KCTD9: variants seen among roughly 807,000 people sequenced by gnomAD.
The protein encoded by KCTD9 is potassium channel tetramerization domain containing 9.
A neutral mutation model predicts 53.3 loss-of-function variants in KCTD9; 17 were observed. The ratio of observed to expected loss-of-function variants is 0.32; its 90% confidence interval spans 0.22 to 0.48. The LOEUF is 0.48. KCTD9 is among the 20% of genes least tolerant of loss of function. The pLI is 0.99. For synonymous variants in KCTD9, 128 were observed against 162.7 expected (o/e 0.79, Z 1.62); for missense variants, 179 against 465.5 (o/e 0.38, Z 5.66).
chr8:25,444,219 CA>C (rs1802173420), intron 3 of KCTD9, 72 bp downstream of exon 3: 2 of 1,149,780 alleles, frequency 1.7e-6, no homozygotes. Flanking sequence ...TTAATAGCCC[CA>C]TTTAAAATAA....
chr8:25,442,651 C>G (rs1802144243), intron 3 of KCTD9, among the ~76,000 whole-genome samples: 1 of 152,088 alleles, frequency 6.6e-6, no homozygotes, highest in African/African-American at 2.4e-5. Flanking sequence ...AACAAAAGGA[C>G]TGGAGGTAAG....
intron 1 of KCTD9, among the ~76,000 whole-genome samples, chr8:25,448,991 A>G (rs1208119354): frequency 1.3e-5 from 2 of 152,210 alleles, no homozygotes; most frequent in Non-Finnish European, 2.9e-5. Context: ...CCTCTGCAAC[A>G]CAGTGAGGTA....
intron 1 of KCTD9, among the ~76,000 whole-genome samples, chr8:25,453,425 G>A (rs1326276903): frequency 6.6e-6 from 1 of 151,954 alleles, no homozygotes; most frequent in Non-Finnish European, 1.5e-5. Context: ...GGAGGCTGAG[G>A]CTGGCGGATC....
At chr8:25,449,582 C>T (rs528628336) in intron 1 of KCTD9, among the ~76,000 whole-genome samples, 2 of 152,064 alleles carry the variant, frequency 1.3e-5, no homozygotes, top group Admixed American at 6.5e-5. Context: ...TATTGTCTTC[C>T]GATGAAAATA....
chr8:25,456,212 A>G lies in KCTD9; in HGVS notation c.48+1987T>C, dbSNP rs146381698. On this transcript the variant is annotated intron_variant, in intron 1 of 11. Transcript: ENST00000221200. Reference sequence around the variant, plus strand: ...AAAAACAGAGATTATTCTTATAACCAGGAAACAAAAGCAGAAGCGAGGTAA... The same window carrying G: ...AAAAACAGAGATTATTCTTATAACCGGGAAACAAAAGCAGAAGCGAGGTAA... Among the ~76,000 whole-genome samples, 11 of 152,356 alleles carry G rather than the reference A, an allele frequency of 7.2e-5. No individual in the cohort carries two copies. The East Asian group carries it at 2.1e-3, about 29-fold the overall frequency.
intron 3 of KCTD9, among the ~76,000 whole-genome samples, chr8:25,443,649 G>A (rs1051240269): frequency 3.3e-5 from 5 of 152,136 alleles, no homozygotes; most frequent in Non-Finnish European, 7.4e-5. Context: ...GTTGACAATT[G>A]CCTGTGCAAC....
chr8:25,457,451 TC>T, intron 1 of KCTD9: 1 of 832,048 alleles, frequency 1.2e-6, no homozygotes, highest in Non-Finnish European at 1.4e-6. Flanking sequence ...TTTGGCTTGC[TC>T]CAGCGCTGGA....
rs1448627070 is a variant in KCTD9, at chr8:25,439,392, T to A, written c.386A>T (p.Lys129Met). 1 of 1,611,648 alleles carries A rather than the reference T, an allele frequency of 6.2e-7. No individual in the cohort carries two copies. Among genetic ancestry groups the A allele is most frequent in the Non-Finnish European group, 8.5e-7 (1 of 1,179,326 alleles). The change falls in exon 6 of 12, where the codon AAG (lysine) becomes ATG (methionine). Residue 129 changes from lysine to methionine, a missense_variant. By Grantham distance (95) the Lys-to-Met change is moderately conservative. Transcript: ENST00000221200. ...MFKDKGVWGN[K>M]QDHRGAFLID... ...TAAGAAAGCTCCTCTATGATCTTGCTTATTTCCCCAGACACCTGTGTCACC... is the reference window on the plus strand; with the variant it reads ...TAAGAAAGCTCCTCTATGATCTTGCATATTTCCCCAGACACCTGTGTCACC...
intron 9 of KCTD9, 27 bp from the exon 10 acceptor site, chr8:25,433,462 T>C (rs376346101): frequency 2.2e-6 from 3 of 1,376,942 alleles, no homozygotes; most frequent in African/African-American, 1.5e-5. Flanking sequence ...AAAGTCCTGG[T>C]TGTAAGGTTC....
intron 1 of KCTD9, among the ~76,000 whole-genome samples, chr8:25,448,449 TA>T (rs1253957013): frequency 2.6e-5 from 4 of 152,172 alleles, no homozygotes; most frequent in Non-Finnish European, 4.4e-5. Flanking sequence ...GTACTGGAAA[TA>T]AACCGTGGTG....
intron 10 of KCTD9, 135 bp from the exon 11 acceptor site, chr8:25,432,772 TTATATA>T (rs1003925837): frequency 4.2e-6 from 3 of 716,404 alleles, no homozygotes; most frequent in Non-Finnish European, 4.7e-6. Flanking sequence ...CTCAACGAAC[TTATATA>T]TATAAACAGT....
intron 1 of KCTD9, among the ~76,000 whole-genome samples, chr8:25,448,954 G>A (rs1802267560): frequency 6.6e-6 from 1 of 151,842 alleles, no homozygotes; most frequent in Non-Finnish European, 1.5e-5. Context: ...ACTAAAACAT[G>A]TCCCCCATAT....
intron 2 of KCTD9, among the ~76,000 whole-genome samples, chr8:25,444,594 T>C (rs1802182670): frequency 6.6e-6 from 1 of 152,166 alleles, no homozygotes; most frequent in Non-Finnish European, 1.5e-5. Context: ...ACAAACGATG[T>C]TGAGTTCAGC....
At chr8:25,436,203 A>T in intron 8 of KCTD9, 32 bp downstream of exon 8, 1 of 1,266,596 alleles carries the variant, frequency 7.9e-7, no homozygotes, top group Non-Finnish European at 1.2e-6. Flanking sequence ...ATTTGCTGAT[A>T]GAAATAATTG....
chr8:25,437,231 G>T (rs1802033545), intron 6 of KCTD9, among the ~76,000 whole-genome samples: 1 of 152,110 alleles, frequency 6.6e-6, no homozygotes, highest in Non-Finnish European at 1.5e-5. Context: ...ATATATCCCT[G>T]GTGGAAACTC....
intron 10 of KCTD9, 85 bp from the exon 11 acceptor site, chr8:25,432,722 G>T: frequency 8.2e-7 from 1 of 1,213,080 alleles, no homozygotes; most frequent in Non-Finnish European, 1.2e-6. Context: ...CTTAATGGAG[G>T]CCTCTTTTAA....
Position 25,437,571 on chromosome 8 carries a change from G to A in KCTD9, c.500-1086C>T, listed in dbSNP as rs188528592. On this transcript the variant is annotated intron_variant, in intron 6 of 11. Transcript: ENST00000221200. Reference sequence around the variant, plus strand: ...CAGGTGCCTGTAGTCCCAGCTACTCGGGAAGCTGAGGCAGGAGAATGGCGT... The same window carrying A: ...CAGGTGCCTGTAGTCCCAGCTACTCAGGAAGCTGAGGCAGGAGAATGGCGT... Among the ~76,000 whole-genome samples, 121 of 152,116 alleles carry A rather than the reference G, an allele frequency of 8.0e-4. 1 individual carries two copies. Among genetic ancestry groups the A allele is most frequent in the Middle Eastern group, 6.8e-3 (2 of 294 alleles).
rs1420472883 is a variant in KCTD9, at chr8:25,432,493, G to C, written c.1053+11C>G. Reference sequence around the variant, plus strand: ...GAGTAATAAAAATTCTTAAAGTGTTGGTGAACTCACCTCTAAATCAGTTCC... The same window carrying C: ...GAGTAATAAAAATTCTTAAAGTGTTCGTGAACTCACCTCTAAATCAGTTCC... On this transcript the variant is annotated intron_variant, in intron 11 of 11. Transcript: ENST00000221200. 3.1e-6 allele frequency: 5 copies of C among 1,608,586 alleles called. No individual in the cohort carries two copies. Among genetic ancestry groups the C allele is most frequent in the Admixed American group, 3.4e-5 (2 of 59,646 alleles).
In KCTD9 at chr8:25,428,786, T is replaced by C. The variant is rs1216366315; in HGVS notation, c.*1071A>G. 1 of 152,198 alleles carries C rather than the reference T, an allele frequency of 6.6e-6. No homozygotes were observed. Among genetic ancestry groups the C allele is most frequent in the Non-Finnish European group, 1.5e-5 (1 of 68,026 alleles). The allele number at this position is 152,198 out of a possible 1,614,324, so 9.4% of individuals were successfully genotyped here. ...TTGGTGGCTGTAATCAAATGTGTGT[T>C]TAAAATTCCTCATTCCCCACTGTAG... On this transcript the variant is annotated 3_prime_UTR_variant, in exon 12 of 12. Transcript: ENST00000221200.
Sources: gnomAD v4.1 joint callset for allele counts (sites outside exome capture counted in the v4.1 genomes callset) on GRCh38, gnomAD v4.1.1 for gene constraint, MANE v1.5 for transcripts, NCBI Gene and HGNC (gene_info 2026-07-23, HGNC 2026-07-21) for gene names.